NLN: variants seen among roughly 807,000 people sequenced by gnomAD.
NLN encodes the protein neurolysin.
NLN carries 64 observed loss-of-function variants against 79.9 expected under a neutral mutation model. The ratio of observed to expected loss-of-function variants is 0.80; its 90% CI spans 0.65 to 0.99. The LOEUF is 0.99. NLN is among the 50% of genes least tolerant of loss of function. The probability of loss-of-function intolerance (pLI) is 0.00; values close to 1 mark genes in which losing one functional copy is unlikely to be tolerated. For synonymous variants in NLN, 267 were observed against 296.6 expected (o/e 0.90, Z 1.02); for missense variants, 835 against 858.7 (o/e 0.97, Z 0.34).
chr5:65,788,442 CAGG>C lies in NLN; in HGVS notation c.1286_1288del (p.Gly429del), dbSNP rs913112781. 1.2e-6 allele frequency: 2 copies of C among 1,613,442 alleles called. No individual in the cohort carries two copies. Among genetic ancestry groups the C allele is most frequent in the African/African-American group, 1.3e-5 (1 of 74,900 alleles). ...CTTTATACTGTGAAGGATAAAGCTA[CAGG>C]AGAAGTATTGGGACAGTTCTATTTG... On this transcript the variant is annotated inframe_deletion, in exon 8 of 13. Coordinates refer to ENST00000380985, the MANE Select transcript of NLN (RefSeq NM_020726.5).
chr5:65,813,369 G>A (rs747211502), intron 12 of NLN, among the ~76,000 whole-genome samples: 2 of 151,562 alleles, frequency 1.3e-5, no homozygotes, highest in Non-Finnish European at 2.9e-5. Flanking sequence ...TGTTCTCACA[G>A]ACATACCTAT....
chr5:65,794,838 C>A (rs1162036120), intron 9 of NLN, among the ~76,000 whole-genome samples: 1 of 152,114 alleles, frequency 6.6e-6, no homozygotes, highest in Non-Finnish European at 1.5e-5. Flanking sequence ...TGTACCCATT[C>A]ATTTCCAAAA....
At chr5:65,759,139 G>T (rs1488934929) in intron 2 of NLN, among the ~76,000 whole-genome samples, 1 of 152,080 alleles carries the variant, frequency 6.6e-6, no homozygotes, top group Admixed American at 6.6e-5. Flanking sequence ...GAAAATTCAT[G>T]TATCAATTTA....
chr5:65,748,097 A>T (rs761308030), intron 1 of NLN, among the ~76,000 whole-genome samples: 1 of 152,222 alleles, frequency 6.6e-6, no homozygotes, highest in Non-Finnish European at 1.5e-5. Flanking sequence ...GCTACTTGGG[A>T]GGCTGAGGCA....
intron 9 of NLN, among the ~76,000 whole-genome samples, chr5:65,806,419 G>T (rs1760411685): frequency 6.6e-6 from 1 of 152,162 alleles, no homozygotes; most frequent in African/African-American, 2.4e-5. Flanking sequence ...AACATTAACA[G>T]AAATTTGTAA....
intron 4 of NLN, among the ~76,000 whole-genome samples, chr5:65,777,992 G>C (rs987145783): frequency 2.0e-5 from 3 of 152,106 alleles, no homozygotes; most frequent in Non-Finnish European, 4.4e-5. Context: ...TATTTCATGT[G>C]TGTTGAGCTT....
chr5:65,776,795 G>A (rs1759689811), intron 3 of NLN, among the ~76,000 whole-genome samples: 1 of 152,158 alleles, frequency 6.6e-6, no homozygotes, highest in Non-Finnish European at 1.5e-5. Context: ...CAAATTTACT[G>A]TCCAGCTTTC....
At position 65,788,233 on chromosome 5, in the gene NLN, C is replaced by A; in HGVS notation, c.1074C>A (p.Ala358=). ...RGFEYDGKIN[A]WDLYYYMTQT... ...TTGAATATGATGGGAAAATCAATGCCTGGGATCTATATTACTACATGACTC... is the reference window on the plus strand; with the variant it reads ...TTGAATATGATGGGAAAATCAATGCATGGGATCTATATTACTACATGACTC... The change falls in exon 8 of 13, where the codon GCC becomes GCA. Residue 358 remains alanine (A), a synonymous_variant. Transcript: ENST00000380985. 1 of 1,614,082 alleles carries A rather than the reference C, an allele frequency of 6.2e-7. No homozygotes were observed. The highest frequency in any genetic ancestry group is 8.5e-7 in the Non-Finnish European group (1 of 1,179,990).
At chr5:65,787,664 T>C (rs1196188280) in intron 7 of NLN, among the ~76,000 whole-genome samples, 2 of 152,184 alleles carry the variant, frequency 1.3e-5, no homozygotes, top group Admixed American at 1.3e-4. Flanking sequence ...AACCCAGTGA[T>C]AGGAATTTCT....
At chr5:65,813,659 G>T (rs1315631521) in intron 12 of NLN, among the ~76,000 whole-genome samples, 1 of 152,134 alleles carries the variant, frequency 6.6e-6, no homozygotes, top group African/African-American at 2.4e-5. Context: ...GGCTGCAGTG[G>T]CTCACACCTG....
intron 8 of NLN, among the ~76,000 whole-genome samples, chr5:65,789,529 CA>C (rs1760010037): frequency 6.6e-6 from 1 of 152,068 alleles, no homozygotes; most frequent in Admixed American, 6.5e-5. Context: ...GTAATCCCAG[CA>C]TTTTGGAAGG....
At chr5:65,747,171 G>C (rs551537058) in intron 1 of NLN, among the ~76,000 whole-genome samples, 2 of 152,252 alleles carry the variant, frequency 1.3e-5, no homozygotes, top group African/African-American at 4.8e-5. Context: ...TACAGATGCA[G>C]CTATGTTCGT....
intron 9 of NLN, among the ~76,000 whole-genome samples, chr5:65,800,219 T>C (rs549392508): frequency 6.6e-6 from 1 of 152,362 alleles, no homozygotes; most frequent in East Asian, 1.9e-4. Context: ...GGCCTTTAAA[T>C]ACAGCAGAAG....
chr5:65,766,003 C>T (rs1377737164), intron 3 of NLN, among the ~76,000 whole-genome samples: 1 of 152,112 alleles, frequency 6.6e-6, no homozygotes, highest in Non-Finnish European at 1.5e-5. Flanking sequence ...TGATGCATAA[C>T]ATATTACCCC....
intron 1 of NLN, among the ~76,000 whole-genome samples, chr5:65,749,452 G>C (rs75826967): frequency 6.6e-6 from 1 of 152,198 alleles, no homozygotes; most frequent in African/African-American, 2.4e-5. Context: ...CTTCATGGGA[G>C]AGGCAGTGCA....
intron 12 of NLN, among the ~76,000 whole-genome samples, chr5:65,814,895 C>A (rs923216573): frequency 6.6e-6 from 1 of 151,778 alleles, no homozygotes; most frequent in African/African-American, 2.4e-5. Context: ...CCATACAATA[C>A]GAATGTTGAT....
At chr5:65,793,970 A>G (rs1490832667) in intron 9 of NLN, among the ~76,000 whole-genome samples, 3 of 152,220 alleles carry the variant, frequency 2.0e-5, no homozygotes, top group Non-Finnish European at 4.4e-5. Flanking sequence ...TGGTCTTTAT[A>G]CAGAGAATCT....
chr5:65,777,530 A>G lies in NLN; in HGVS notation c.554A>G (p.Gln185Arg). 1 of 1,554,362 alleles carries G rather than the reference A, an allele frequency of 6.4e-7. No individual in the cohort carries two copies. The highest frequency in any genetic ancestry group is 1.1e-5 in the South Asian group (1 of 87,304). ...RNGLHLPEQVQNEIKSMKKRM... is the reference protein window; with the variant it reads ...RNGLHLPEQVRNEIKSMKKRM... ...GGGCTCCATCTTCCTGAACAAGTAC[A>G]GAATGTGAGTTTATGTTTTCTTTTC... is the stretch of plus-strand genomic sequence containing the variant. The change falls in exon 4 of 13, where the codon CAG becomes CGG. Residue 185 changes from glutamine to arginine, a missense_variant. Coordinates refer to ENST00000380985, the MANE Select transcript of NLN (RefSeq NM_020726.5).
Position 65,809,563 on chromosome 5 carries a change from G to A in NLN, c.1576G>A (p.Glu526Lys), listed in dbSNP as rs1318382829. 6.2e-7 allele frequency: 1 copy of A among 1,612,748 alleles called. No homozygotes were observed. The highest frequency in any genetic ancestry group is 1.3e-5 in the African/African-American group (1 of 74,834). The change falls in exon 10 of 13, where the codon GAG becomes AAG. Residue 526 changes from glutamate to lysine, a missense_variant. Transcript: ENST00000380985. Reference protein sequence around the residue: ...SGTNVETDFVEVPSQMLENWV... With the variant: ...SGTNVETDFVKVPSQMLENWV... ...AACAAATGTGGAAACTGACTTTGTA[G>A]AGGTGCCATCGCAAATGCTTGAAAA...
Sources: allele counts gnomAD v4.1 joint callset (sites outside exome capture counted in the v4.1 genomes callset), GRCh38; gene constraint gnomAD v4.1.1; transcripts MANE v1.5; gene names NCBI Gene and HGNC (gene_info 2026-07-23, HGNC 2026-07-21).